The following SUMF1 variants were observed in gnomAD, a reference collection of about 807,000 sequenced individuals.
The protein encoded by SUMF1 is formylglycine-generating enzyme.
In SUMF1, 48 loss-of-function variants were observed where a neutral mutation model predicts 47.6. The ratio of observed to expected loss-of-function variants is 1.01; its 90% CI spans 0.80 to 1.28. The LOEUF (loss-of-function observed/expected upper bound fraction) is 1.28, where lower values mean the gene tolerates loss of function less well. Ranked by LOEUF, SUMF1 falls within the 50% of genes most tolerant of loss-of-function variation. The pLI is 0.00. For synonymous variants in SUMF1, 230 were observed against 192.1 expected (o/e 1.20, Z -1.63); for missense variants, 571 against 485.4 (o/e 1.18, Z -1.66).
intron 8 of SUMF1, among the ~76,000 whole-genome samples, chr3:4,308,689 C>G (rs1698287300): frequency 6.6e-6 from 1 of 152,196 alleles, no homozygotes; most frequent in African/African-American, 2.4e-5. Context: ...ATGTTCTGCA[C>G]TAGGAAGCTC....
intron 8 of SUMF1, among the ~76,000 whole-genome samples, chr3:4,195,880 AATAG>A (rs1039015667): frequency 6.6e-6 from 1 of 152,112 alleles, no homozygotes; most frequent in African/African-American, 2.4e-5. Flanking sequence ...AAAACACCAA[AATAG>A]ATAGCTTCAA....
chr3:4,152,086 G>A (rs1486680528), intron 8 of SUMF1, among the ~76,000 whole-genome samples: 2 of 151,344 alleles, frequency 1.3e-5, no homozygotes, highest in Non-Finnish European at 2.9e-5. Flanking sequence ...ACCAGACTAT[G>A]GGCCATAAAG....
chr3:4,097,858 G>A (rs1692940967), intron 8 of SUMF1, among the ~76,000 whole-genome samples: 1 of 152,070 alleles, frequency 6.6e-6, no homozygotes, highest in Admixed American at 6.5e-5. Flanking sequence ...CTATCCATCA[G>A]ACTGACAGCA....
chr3:4,211,209 T>C (rs1418752351), intron 8 of SUMF1, among the ~76,000 whole-genome samples: 4 of 135,512 alleles, frequency 3.0e-5, no homozygotes, highest in African/African-American at 5.5e-5. Context: ...CATACATATA[T>C]ATATATATAT....
chr3:4,233,464 CA>C (rs762425742), intron 8 of SUMF1, among the ~76,000 whole-genome samples: 5 of 152,014 alleles, frequency 3.3e-5, no homozygotes, highest in African/African-American at 7.2e-5. Context: ...AGAAAGTAGT[CA>C]ACTTAGATGC....
intron 8 of SUMF1, among the ~76,000 whole-genome samples, chr3:4,103,249 G>A (rs900686484): frequency 5.3e-5 from 8 of 150,572 alleles, no homozygotes; most frequent in Non-Finnish European, 1.2e-4. Context: ...AAAAAAAAAA[G>A]AAAGAAAAAA....
intron 9 of SUMF1, among the ~76,000 whole-genome samples, chr3:4,057,623 T>G (rs1196465407): frequency 6.6e-6 from 1 of 152,048 alleles, no homozygotes; most frequent in African/African-American, 2.4e-5. Context: ...CCTCCCAGAG[T>G]TGTTATGAAT....
chr3:4,419,651 G>A (rs1701826533), intron 4 of SUMF1, among the ~76,000 whole-genome samples: 1 of 152,066 alleles, frequency 6.6e-6, no homozygotes, highest in Non-Finnish European at 1.5e-5. Flanking sequence ...TATACCCAAG[G>A]CCTGGGCTTC....
chr3:4,365,416 T>C lies in SUMF1; in HGVS notation c.1015-3162A>G, dbSNP rs1296887026. 6.9e-4 allele frequency among the ~76,000 whole-genome samples: 86 copies of C among 124,224 alleles called. 9 individuals carry two copies. Among genetic ancestry groups the C allele is most frequent in the African/African-American group, 1.9e-3 (67 of 35,680 alleles). 81.5% of individuals were successfully genotyped at this position (124,224 alleles called of 152,430 possible). A position where few individuals can be genotyped will look rare whatever the true frequency, so the allele number is the denominator to read the frequency against. ...TGGGTGCTTCTGTATTGGGTGCATA[T>C]ATATTTAGGATAGTTAGCTCTTGTT... On this transcript the variant is annotated intron_variant, in intron 8 of 8. Coordinates refer to ENST00000272902, the MANE Select transcript of SUMF1 (RefSeq NM_182760.4).
chr3:4,073,384 C>A (rs1378391163), intron 8 of SUMF1, among the ~76,000 whole-genome samples: 1 of 152,126 alleles, frequency 6.6e-6, no homozygotes, highest in Admixed American at 6.5e-5. Flanking sequence ...CAAAAACATG[C>A]CAAACTGTAA....
intron 7 of SUMF1, among the ~76,000 whole-genome samples, chr3:4,380,684 C>T (rs1030409355): frequency 4.6e-5 from 7 of 152,182 alleles, no homozygotes; most frequent in African/African-American, 1.7e-4. Flanking sequence ...AAAGGTACTA[C>T]TGCCCGTAAC....
At position 4,411,095 on chromosome 3, in the gene SUMF1, C is replaced by T. The variant is rs539733722; in HGVS notation, c.841-117G>A. ...AGAGTATGAATGTTGGGTTTTATTC[C>T]AACAGTCAAAGTACAATTTGACCAA... On this transcript the variant is annotated intron_variant, in intron 6 of 8. Transcript: ENST00000272902. 200 of 901,216 alleles carry T rather than the reference C, an allele frequency of 2.2e-4. 1 individual carries two copies. In the African/African-American group the frequency reaches 2.6e-3, roughly 12 times the overall value. 55.8% of individuals were successfully genotyped at this position (901,216 alleles called of 1,614,324 possible). A position where few individuals can be genotyped will look rare whatever the true frequency, so the allele number is the denominator to read the frequency against.
chr3:4,189,476 C>A (rs1695270492), intron 8 of SUMF1, among the ~76,000 whole-genome samples: 1 of 152,076 alleles, frequency 6.6e-6, no homozygotes, highest in Non-Finnish European at 1.5e-5. Flanking sequence ...AATTTTCCTA[C>A]AAGATTCCTG....
chr3:4,272,991 C>T (rs777953061), intron 8 of SUMF1, among the ~76,000 whole-genome samples: 2 of 151,792 alleles, frequency 1.3e-5, no homozygotes, highest in Non-Finnish European at 2.9e-5. Flanking sequence ...AGGAGGAATT[C>T]GAGGCTACTG....
At chr3:4,244,977 T>A (rs969752640) in intron 8 of SUMF1, among the ~76,000 whole-genome samples, 1 of 152,096 alleles carries the variant, frequency 6.6e-6, no homozygotes, top group Admixed American at 6.5e-5. Context: ...CTTGCTTTAT[T>A]TCATTAATTT....
intron 8 of SUMF1, among the ~76,000 whole-genome samples, chr3:4,363,586 G>T (rs941330317): frequency 3.3e-5 from 5 of 151,800 alleles, no homozygotes; most frequent in Non-Finnish European, 5.9e-5. Flanking sequence ...ATCCTGAGAC[G>T]TTGCTGAAGT....
chr3:4,360,396 C>T (rs1339526044), downstream of SUMF1, among the ~76,000 whole-genome samples: 8 of 151,494 alleles, frequency 5.3e-5, no homozygotes, highest in African/African-American at 1.7e-4. Context: ...GGCGCGATCT[C>T]GGCTCACTGC....
At chr3:4,441,634 C>A (rs1159808907) in intron 3 of SUMF1, among the ~76,000 whole-genome samples, 1 of 152,102 alleles carries the variant, frequency 6.6e-6, no homozygotes, top group African/African-American at 2.4e-5. Flanking sequence ...AATATCTATA[C>A]CTTTTAAGAT....
At chr3:4,253,403 G>A (rs535699681) in intron 8 of SUMF1, among the ~76,000 whole-genome samples, 19 of 152,326 alleles carry the variant, frequency 1.2e-4, no homozygotes, top group African/African-American at 3.4e-4. Flanking sequence ...CAGTGGGTGC[G>A]TGCACCGTGC....
Sources: gnomAD v4.1 joint callset for allele counts (sites outside exome capture counted in the v4.1 genomes callset) on GRCh38, gnomAD v4.1.1 for gene constraint, MANE v1.5 for transcripts, NCBI Gene and HGNC (gene_info 2026-07-23, HGNC 2026-07-21) for gene names.